The following DLG2 variants were observed in gnomAD, a reference collection of about 807,000 sequenced individuals.
The protein encoded by DLG2 is discs large MAGUK scaffold protein 2, also known as disks large homolog 2.
DLG2 carries 45 observed loss-of-function variants against 132.5 expected under a neutral mutation model. The ratio of observed to expected loss-of-function variants is 0.34; its 90% confidence interval spans 0.27 to 0.44. The LOEUF (loss-of-function observed/expected upper bound fraction) is 0.44. Among genes scored for constraint, DLG2 ranks in the 20% least tolerant of loss-of-function variants. DLG2 has a pLI of 1.00. For synonymous variants in DLG2, 424 were observed against 419.6 expected (o/e 1.01, Z -0.13); for missense variants, 1,045 against 1,196.9 (o/e 0.87, Z 1.87).
At chr11:84,326,672 G>A (rs773910128) in intron 7 of DLG2, among the ~76,000 whole-genome samples, 90 of 152,224 alleles carry the variant, frequency 5.9e-4, no homozygotes, top group Non-Finnish European at 1.0e-3. Context: ...TTCCATGTGC[G>A]CTTCAGAATA....
At chr11:84,267,699 A>T (rs544362780) in intron 7 of DLG2, among the ~76,000 whole-genome samples, 7 of 152,054 alleles carry the variant, frequency 4.6e-5, no homozygotes, top group Non-Finnish European at 1.0e-4. Flanking sequence ...TTTCAGCCTC[A>T]TTTCTCTGTG....
intron 3 of DLG2, among the ~76,000 whole-genome samples, chr11:85,330,792 T>TAAAAAAAAAAAA (rs56995757): frequency 8.6e-5 from 10 of 116,484 alleles, no homozygotes; most frequent in Non-Finnish European, 1.4e-4. Context: ...AAAAAAAAAT[T>TAAAAAAAAAAAA]AAAAAAAAAA....
At chr11:84,229,227 T>C (rs1032849111) in intron 8 of DLG2, among the ~76,000 whole-genome samples, 8 of 152,328 alleles carry the variant, frequency 5.3e-5, no homozygotes, top group African/African-American at 1.9e-4. Context: ...GGTATCCCTG[T>C]AATAAAAAAG....
chr11:85,247,910 C>T (rs1161320280), intron 4 of DLG2, among the ~76,000 whole-genome samples: 1 of 151,938 alleles, frequency 6.6e-6, no homozygotes, highest in Admixed American at 6.6e-5. Flanking sequence ...TGCTTTGGTC[C>T]CCTTCCAAAT....
chr11:83,932,385 C>A (rs1372876486), intron 14 of DLG2, among the ~76,000 whole-genome samples: 1 of 150,934 alleles, frequency 6.6e-6, no homozygotes, highest in East Asian at 1.9e-4. Flanking sequence ...CAGGCGCCTG[C>A]CACCACGCCC....
intron 17 of DLG2, among the ~76,000 whole-genome samples, chr11:83,810,421 G>A (rs1383158787): frequency 1.3e-5 from 2 of 152,040 alleles, no homozygotes; most frequent in East Asian, 3.9e-4. Flanking sequence ...AATTATTGAT[G>A]AGTAGATAAT....
chr11:84,565,960 GTTTTTTT>G (rs748005006), intron 6 of DLG2, among the ~76,000 whole-genome samples: 1 of 139,470 alleles, frequency 7.2e-6, no homozygotes, highest in Admixed American at 7.2e-5. Context: ...ATATGATGAA[GTTTTTTT>G]TTTTTTTTTG....
chr11:83,863,954 A>G (rs142722309), intron 16 of DLG2, among the ~76,000 whole-genome samples: 55 of 152,288 alleles, frequency 3.6e-4, no homozygotes, highest in African/African-American at 1.3e-3. Context: ...TTGAAATGCA[A>G]TTTCCCATCA....
chr11:84,813,301 T>C (rs1302419276), intron 6 of DLG2, among the ~76,000 whole-genome samples: 1 of 152,040 alleles, frequency 6.6e-6, no homozygotes, highest in Non-Finnish European at 1.5e-5. Context: ...TGCCAGGCAC[T>C]ATCCTAGCCT....
intron 6 of DLG2, among the ~76,000 whole-genome samples, chr11:84,575,697 T>C (rs147581205): frequency 2.0e-3 from 305 of 152,346 alleles, no homozygotes; most frequent in African/African-American, 7.0e-3. Context: ...CCACTTATAC[T>C]CTTTTCATTA....
At chr11:83,794,993 T>C (rs2042436069) in intron 17 of DLG2, among the ~76,000 whole-genome samples, 1 of 152,194 alleles carries the variant, frequency 6.6e-6, no homozygotes, top group African/African-American at 2.4e-5. Flanking sequence ...GATCTAGAAA[T>C]TATGGCCCAA....
At chr11:85,497,063 G>C (rs140954915) in intron 3 of DLG2, among the ~76,000 whole-genome samples, 175 of 151,778 alleles carry the variant, frequency 1.2e-3, no homozygotes, top group African/African-American at 4.1e-3. Context: ...GGAACAAAAT[G>C]AGATGGAGAA....
rs1283306069 is a variant in DLG2 at position 85,104,810 on chromosome 11, T to C, written c.357+6851A>G. Among the ~76,000 whole-genome samples, 3 of 135,884 alleles carry C rather than the reference T, an allele frequency of 2.2e-5. No individual in the cohort carries two copies. In the Admixed American group the frequency reaches 2.5e-4, roughly 11 times the overall value. The allele number at this position is 135,884 out of a possible 152,430, so 89.1% of individuals were successfully genotyped here. A position where few individuals can be genotyped will look rare whatever the true frequency, so the allele number is the denominator to read the frequency against. On this transcript the variant is annotated intron_variant, in intron 6 of 27. Coordinates refer to ENST00000376104, the MANE Select transcript of DLG2 (RefSeq NM_001142699.3). ...ACAAACAAAAAATCCCAAACACTCA[T>C]AGGAAGAATGTCATAAAGTTTTATA...
At chr11:83,712,984 A>C (rs2085827938) in intron 18 of DLG2, among the ~76,000 whole-genome samples, 1 of 151,898 alleles carries the variant, frequency 6.6e-6, no homozygotes. Flanking sequence ...TTGAAAAAAA[A>C]AGAAAGAAAA....
intron 4 of DLG2, among the ~76,000 whole-genome samples, chr11:85,282,036 A>C (rs1049866998): frequency 1.3e-5 from 2 of 151,994 alleles, no homozygotes; most frequent in African/African-American, 4.8e-5. Context: ...TAAAAAAAAA[A>C]TAAATAAATA....
chr11:84,831,946 A>G (rs2079106939), intron 6 of DLG2, among the ~76,000 whole-genome samples: 1 of 151,694 alleles, frequency 6.6e-6, no homozygotes, highest in Non-Finnish European at 1.5e-5. Flanking sequence ...TTGAACAATT[A>G]GTTAACAGCC....
At position 84,258,244 on chromosome 11, in the gene DLG2, A is replaced by G. The variant is rs142411903; in HGVS notation, c.520-6953T>C. 2.7e-3 allele frequency among the ~76,000 whole-genome samples: 410 copies of G among 152,318 alleles called. 2 individuals are homozygous for G. The highest frequency in any genetic ancestry group is 0.01 in the Middle Eastern group (3 of 292). ...TAAATGGGTAATTGACTGATTAAAG[A>G]CACATCGATGGTTGTGTAAGAGAGG... On this transcript the variant is annotated intron_variant, in intron 7 of 27. Transcript: ENST00000376104.
intron 21 of DLG2, among the ~76,000 whole-genome samples, chr11:83,490,148 T>A (rs1467939347): frequency 6.6e-6 from 1 of 151,918 alleles, no homozygotes; most frequent in Non-Finnish European, 1.5e-5. Context: ...AGAGAAAGTA[T>A]AAGGTGAGTC....
chr11:84,691,447 A>G (rs1335761508), intron 6 of DLG2, among the ~76,000 whole-genome samples: 6 of 151,898 alleles, frequency 4.0e-5, no homozygotes, highest in Non-Finnish European at 8.8e-5. Flanking sequence ...AAAAATCAGT[A>G]GAAAAAAATT....
Sources: allele counts gnomAD v4.1 joint callset (sites outside exome capture counted in the v4.1 genomes callset), GRCh38; gene constraint gnomAD v4.1.1; transcripts MANE v1.5; gene names NCBI Gene and HGNC (gene_info 2026-07-23, HGNC 2026-07-21).